The following METAP1D variants were observed in gnomAD, a reference collection of about 807,000 sequenced individuals.
The protein encoded by METAP1D is methionyl aminopeptidase type 1D, mitochondrial, also known as methionine aminopeptidase 1D, mitochondrial.
A neutral mutation model predicts 40.5 loss-of-function variants in METAP1D; 31 were observed. The observed-to-expected ratio is 0.77, with a 90% CI of 0.58 to 1.03. The LOEUF (loss-of-function observed/expected upper bound fraction) is 1.03, where lower values mean the gene tolerates loss of function less well. METAP1D is among the 50% of genes least tolerant of loss of function. The pLI, the probability that METAP1D is intolerant of heterozygous loss-of-function variation, is 0.00. For synonymous variants in METAP1D, 151 were observed against 146.4 expected (o/e 1.03, Z -0.22); for missense variants, 411 against 420.7 (o/e 0.98, Z 0.20).
chr2:172,005,520 T>TTTTTTA (rs1267182910), intron 1 of METAP1D, among the ~76,000 whole-genome samples: 4 of 110,938 alleles, frequency 3.6e-5, no homozygotes, highest in Non-Finnish European at 7.2e-5. Context: ...TGTCTGTATT[T>TTTTTTA]TATATATATA....
chr2:172,045,963 G>C (rs764793091), intron 1 of METAP1D, among the ~76,000 whole-genome samples: 125 of 143,850 alleles, frequency 8.7e-4, no homozygotes, highest in Non-Finnish European at 1.6e-3. Context: ...TTGGGGCTCA[G>C]CCTCATTTAG....
At chr2:172,024,268 G>GT (rs1166417050) in intron 1 of METAP1D, among the ~76,000 whole-genome samples, 1 of 152,114 alleles carries the variant, frequency 6.6e-6, no homozygotes, top group African/African-American at 2.4e-5. Flanking sequence ...AAGGATCTGT[G>GT]TACCTCCATT....
chr2:172,012,230 A>T (rs964544063), intron 1 of METAP1D, among the ~76,000 whole-genome samples: 10 of 152,154 alleles, frequency 6.6e-5, no homozygotes, highest in Non-Finnish European at 2.9e-5. Context: ...AACCTCTTTA[A>T]GAATTGATAT....
rs143849861 is a variant in METAP1D at position 172,067,645 on chromosome 2, A to T, written c.540+1339A>T. Among the ~76,000 whole-genome samples the T allele has an allele frequency of 5.2e-4, 79 of 152,274 alleles. 1 individual carries two copies. The East Asian group carries it at 7.5e-3, about 15-fold the overall frequency. On this transcript the variant is annotated intron_variant, in intron 5 of 9. Coordinates refer to ENST00000315796, the MANE Select transcript of METAP1D (RefSeq NM_199227.3). ...TTCTCATCTAGTCACCCTATCATGA[A>T]ATGTTACCATTTTAATGTTTTGAAT...
intron 1 of METAP1D, among the ~76,000 whole-genome samples, chr2:172,057,373 T>C (rs998908863): frequency 1.2e-4 from 18 of 152,194 alleles, no homozygotes; most frequent in African/African-American, 4.3e-4. Context: ...TTGTGTCTTG[T>C]ATGTGGTCCT....
At position 172,000,007 on chromosome 2, in the gene METAP1D, G is replaced by T; in HGVS notation, c.38G>T (p.Arg13Ile). 1 of 1,336,880 alleles carries T rather than the reference G, an allele frequency of 7.5e-7. No homozygotes were observed. The allele number at this position is 1,336,880 out of a possible 1,614,324, so 82.8% of individuals were successfully genotyped here. A position where few individuals can be genotyped will look rare whatever the true frequency, so the allele number is the denominator to read the frequency against. Residue 13 changes from arginine to isoleucine, a missense_variant and splice_region_variant, in exon 1 of 10, where the codon AGA becomes ATA. Physicochemically the swap from Arg to Ile is moderately conservative, Grantham distance 97. Coordinates refer to ENST00000315796, the MANE Select transcript of METAP1D (RefSeq NM_199227.3). Reference sequence around the variant, plus strand: ...AGTGGCGTCCACCTGCTCGTCCGCAGAGGTAAGCGCGTGGAGGAGAGCCCC... The same window carrying T: ...AGTGGCGTCCACCTGCTCGTCCGCATAGGTAAGCGCGTGGAGGAGAGCCCC... ...APSGVHLLVR[R>I]GSHRIFSSPL...
intron 1 of METAP1D, among the ~76,000 whole-genome samples, chr2:172,059,144 TG>T (rs1225443054): frequency 6.6e-6 from 1 of 151,380 alleles, no homozygotes; most frequent in Non-Finnish European, 1.5e-5. Flanking sequence ...AGTCTTGCTC[TG>T]TCACCCAGGC....
rs535424953 is a variant in METAP1D, at chr2:172,029,748, CTACT to C, written c.40+29750_40+29753del. Among the ~76,000 whole-genome samples the C allele has an allele frequency of 2.3e-4, 35 of 152,232 alleles. No individual in the cohort carries two copies. In the East Asian group the frequency reaches 5.6e-3, roughly 24 times the overall value. On this transcript the variant is annotated intron_variant, in intron 1 of 9. Coordinates refer to ENST00000315796, the MANE Select transcript of METAP1D (RefSeq NM_199227.3). The stretch of plus-strand genomic sequence containing the variant: ...TTAAGTCTACATTTTATTTTTATTT[CTACT>C]TACTTACTTATTTATTTTTTGAGAC...
intron 1 of METAP1D, among the ~76,000 whole-genome samples, chr2:172,002,424 T>G (rs998332389): frequency 3.9e-5 from 6 of 152,212 alleles, no homozygotes; most frequent in African/African-American, 9.7e-5. Context: ...CATTAATCTT[T>G]TCTTTCTTTT....
At chr2:172,067,576 C>A (rs1690314815) in intron 5 of METAP1D, among the ~76,000 whole-genome samples, 1 of 152,120 alleles carries the variant, frequency 6.6e-6, no homozygotes, top group South Asian at 2.1e-4. Flanking sequence ...TCATGAGACA[C>A]TTTTATTTTG....
At chr2:172,036,461 G>C (rs913931580) in intron 1 of METAP1D, among the ~76,000 whole-genome samples, 1 of 149,840 alleles carries the variant, frequency 6.7e-6, no homozygotes, top group Non-Finnish European at 1.5e-5. Flanking sequence ...CGCCTTCCGG[G>C]TTCACGCCAT....
At chr2:172,005,250 G>C (rs898339688) in intron 1 of METAP1D, among the ~76,000 whole-genome samples, 7 of 151,688 alleles carry the variant, frequency 4.6e-5, no homozygotes, top group African/African-American at 1.7e-4. Context: ...TGAGATTTTA[G>C]TGCACCCATC....
chr2:172,080,017 G>A (rs928705419), intron 8 of METAP1D, 111 bp from the exon 9 acceptor site: 12 of 876,116 alleles, frequency 1.4e-5, no homozygotes, highest in Non-Finnish European at 2.0e-5. Context: ...GCCTGTGGGG[G>A]AAGCACTTGA....
chr2:172,018,684 G>A (rs1409239675), intron 1 of METAP1D, among the ~76,000 whole-genome samples: 1 of 152,156 alleles, frequency 6.6e-6, no homozygotes, highest in African/African-American at 2.4e-5. Context: ...TATGATGAGT[G>A]ATGAGGGAGA....
intron 1 of METAP1D, among the ~76,000 whole-genome samples, chr2:172,019,987 T>C (rs1042043725): frequency 6.6e-6 from 1 of 152,164 alleles, no homozygotes; most frequent in African/African-American, 2.4e-5. Context: ...GGCTCCAATC[T>C]CAGGTATGTT....
rs552724747 is a variant in METAP1D at position 172,014,660 on chromosome 2, T to C, written c.40+14651T>C. On this transcript the variant is annotated intron_variant, in intron 1 of 9. Transcript: ENST00000315796. The stretch of plus-strand genomic sequence containing the variant: ...ACATCCAGATAGTTTTTCATCTTTT[T>C]TTCTTTTTTTGAATCAGAGTCTGGC... Among the ~76,000 whole-genome samples the C allele has an allele frequency of 1.4e-3, 208 of 152,252 alleles. 1 individual carries two copies. Among genetic ancestry groups the C allele is most frequent in the Middle Eastern group, 3.4e-3 (1 of 294 alleles).
rs571939692 is a variant in METAP1D at position 172,035,350 on chromosome 2, G to A, written c.41-26148G>A. Among the ~76,000 whole-genome samples, 179 of 152,170 alleles carry A rather than the reference G, an allele frequency of 1.2e-3. 1 individual carries two copies. The highest frequency in any genetic ancestry group is 5.6e-3 in the South Asian group (27 of 4,822). Reference sequence around the variant, plus strand: ...CGGCTAACTTTTTGTATTTTTAGTAGAGATGGGGTTTCACCGTATTAGCCA... The same window carrying A: ...CGGCTAACTTTTTGTATTTTTAGTAAAGATGGGGTTTCACCGTATTAGCCA... On this transcript the variant is annotated intron_variant, in intron 1 of 9. Coordinates refer to ENST00000315796, the MANE Select transcript of METAP1D (RefSeq NM_199227.3).
At chr2:172,035,154 T>TTTTGTTTGTTTG (rs1553492540) in intron 1 of METAP1D, among the ~76,000 whole-genome samples, 1 of 150,086 alleles carries the variant, frequency 6.7e-6, no homozygotes, top group Admixed American at 6.6e-5. Flanking sequence ...TGTGTTTTTT[T>TTTTGTTTGTTTG]TTTGTTTGTT....
rs1051204314 is a variant in METAP1D at position 172,036,971 on chromosome 2, G to A, written c.41-24527G>A. ...ATGTACTTGTAATGTTAAAGTCTAG[G>A]TTTTATGGCTGCGGGCGGTGGCTCA... is the stretch of plus-strand genomic sequence containing the variant. On this transcript the variant is annotated intron_variant, in intron 1 of 9. Coordinates refer to ENST00000315796, the MANE Select transcript of METAP1D (RefSeq NM_199227.3). 2.6e-5 allele frequency among the ~76,000 whole-genome samples: 4 copies of A among 152,104 alleles called. No homozygotes were observed. In the South Asian group the frequency reaches 6.2e-4, roughly 24 times the overall value.
Sources: gnomAD v4.1 joint callset for allele counts (sites outside exome capture counted in the v4.1 genomes callset) on GRCh38, gnomAD v4.1.1 for gene constraint, MANE v1.5 for transcripts, NCBI Gene and HGNC (gene_info 2026-07-23, HGNC 2026-07-21) for gene names.